Variants in ADGRB3 observed in about 807,000 individuals in gnomAD.
ADGRB3 encodes brain-specific angiogenesis inhibitor 3.
ADGRB3 carries 37 observed loss-of-function variants against 193.4 expected under a neutral mutation model. That is an observed-to-expected ratio of 0.19 (90% confidence interval 0.15 to 0.25). ADGRB3 has a LOEUF of 0.25. Among genes scored for constraint, ADGRB3 ranks in the 10% least tolerant of loss-of-function variants. The pLI is 1.00. For synonymous variants in ADGRB3, 690 were observed against 644.2 expected, an observed-to-expected ratio of 1.07 and a Z score of -1.08; for missense variants, 1,637 against 1,852.9, an observed-to-expected ratio of 0.88 and a Z score of 2.14.
intron 11 of ADGRB3, among the ~76,000 whole-genome samples, chr6:69,008,410 C>T (rs1488528973): frequency 1.3e-5 from 2 of 152,096 alleles, no homozygotes; most frequent in African/African-American, 2.4e-5. Context: ...TTCATTTGCA[C>T]ATCCACTGTT....
chr6:69,334,507 A>G (rs1210719443), intron 24 of ADGRB3, among the ~76,000 whole-genome samples: 3 of 152,158 alleles, frequency 2.0e-5, no homozygotes, highest in African/African-American at 7.2e-5. Flanking sequence ...GGCTTTTTTC[A>G]CTGCAGACAA....
At chr6:68,986,161 C>T (rs780496072) in intron 10 of ADGRB3, among the ~76,000 whole-genome samples, 6 of 152,140 alleles carry the variant, frequency 3.9e-5, no homozygotes, top group Non-Finnish European at 8.8e-5. Flanking sequence ...TCAGGTTTTA[C>T]AGCAAAATAT....
intron 17 of ADGRB3, among the ~76,000 whole-genome samples, chr6:69,206,044 G>GATATATATATAT (rs1561952181): frequency 4.6e-5 from 2 of 43,668 alleles, no homozygotes; most frequent in African/African-American, 1.0e-4. Context: ...ATATAATAAT[G>GATATATATATAT]GTATATATAT....
chr6:69,235,379 T>C (rs1214185938), intron 19 of ADGRB3, among the ~76,000 whole-genome samples: 1 of 152,110 alleles, frequency 6.6e-6, no homozygotes, highest in African/African-American at 2.4e-5. Flanking sequence ...TCATTTCAAA[T>C]GTTAGTAGCC....
intron 16 of ADGRB3, among the ~76,000 whole-genome samples, chr6:69,075,725 T>C (rs979657328): frequency 6.6e-6 from 1 of 152,188 alleles, no homozygotes; most frequent in African/African-American, 2.4e-5. Flanking sequence ...TTATGGTGTA[T>C]GAGAGCCTTG....
At chr6:68,965,434 G>C (rs1396882825) in intron 8 of ADGRB3, among the ~76,000 whole-genome samples, 2 of 135,532 alleles carry the variant, frequency 1.5e-5, no homozygotes, top group East Asian at 3.9e-4. Flanking sequence ...GTGGGTTCTT[G>C]AGTAGTACAT....
At position 68,993,863 on chromosome 6, in the gene ADGRB3, T is replaced by C; in HGVS notation, c.1830T>C (p.Asn610=). The part of the protein sequence containing the change: ...KTLLDLTQRK[N]FYAGDLLMSV... ...TGTTGGATTTAACTCAGAGAAAAAA[T>C]TTCTATGCAGGCGATCTTCTGATGT... The change falls in exon 11 of 32, where the codon AAT becomes AAC. Residue 610 remains asparagine, a synonymous_variant. Coordinates refer to ENST00000370598, the MANE Select transcript of ADGRB3 (RefSeq NM_001704.3). The C allele has an allele frequency of 6.2e-7, 1 of 1,613,856 alleles. No homozygotes were observed. Among genetic ancestry groups the C allele is most frequent in the Non-Finnish European group, 8.5e-7 (1 of 1,179,874 alleles).
intron 23 of ADGRB3, 45 bp from the exon 24 acceptor site, chr6:69,332,878 T>A: frequency 1.2e-6 from 2 of 1,605,872 alleles, no homozygotes; most frequent in Non-Finnish European, 8.5e-7. Flanking sequence ...GGGACCTGAT[T>A]CCCTTCAATA....
intron 3 of ADGRB3, among the ~76,000 whole-genome samples, chr6:68,768,821 C>T (rs917706574): frequency 6.6e-6 from 1 of 150,460 alleles, no homozygotes; most frequent in African/African-American, 2.5e-5. Context: ...CCAGAATCTA[C>T]AAGGAACTTA....
chr6:69,233,073 G>C (rs1414490454), intron 17 of ADGRB3: 2 of 616,964 alleles, frequency 3.2e-6, no homozygotes, highest in East Asian at 3.3e-5. Context: ...ACAGCTCTCT[G>C]CACGCCGCAC....
At chr6:69,135,512 C>CA (rs1288170033) in intron 17 of ADGRB3, among the ~76,000 whole-genome samples, 1 of 151,998 alleles carries the variant, frequency 6.6e-6, no homozygotes, top group African/African-American at 2.4e-5. Context: ...AAAAGCTATA[C>CA]ATGCATTAAT....
intron 3 of ADGRB3, among the ~76,000 whole-genome samples, chr6:68,801,845 A>G (rs1767317980): frequency 2.0e-5 from 3 of 152,196 alleles, no homozygotes; most frequent in Non-Finnish European, 4.4e-5. Flanking sequence ...CACTAGCTTG[A>G]CAAGTATGTA....
At chr6:69,199,778 A>T (rs528885138) in intron 17 of ADGRB3, among the ~76,000 whole-genome samples, 22 of 152,264 alleles carry the variant, frequency 1.4e-4, no homozygotes, top group African/African-American at 5.3e-4. Context: ...ATGGATGAGC[A>T]TTTAGAAATT....
At chr6:69,284,977 G>A (rs72915010) in intron 20 of ADGRB3, among the ~76,000 whole-genome samples, 6,122 of 152,184 alleles carry the variant, frequency 0.04, 166 homozygotes, top group Non-Finnish European at 0.059. Context: ...TAGGAATACA[G>A]CTATTCATCA....
intron 17 of ADGRB3, among the ~76,000 whole-genome samples, chr6:69,229,591 T>TTTCTGTTTATTTC (rs1340185364): frequency 1.3e-5 from 2 of 152,210 alleles, no homozygotes; most frequent in Admixed American, 6.5e-5. Context: ...AACAGTTTTA[T>TTTCTGTTTATTTC]AGAAGACTGA....
intron 13 of ADGRB3, among the ~76,000 whole-genome samples, chr6:69,022,507 C>T (rs1037964238): frequency 1.3e-5 from 2 of 151,786 alleles, no homozygotes; most frequent in African/African-American, 4.8e-5. Context: ...CCTTGCAATC[C>T]TATTTCTCTT....
At chr6:68,768,372 T>G (rs1766552294) in intron 3 of ADGRB3, among the ~76,000 whole-genome samples, 1 of 151,980 alleles carries the variant, frequency 6.6e-6, no homozygotes, top group Admixed American at 6.6e-5. Context: ...AAGAGAGGCC[T>G]CAGAAAAACA....
rs145475129 is a variant in ADGRB3 at position 69,070,844 on chromosome 6, A to G, written c.2437-5151A>G. ...GAATGTATTGAAAATTTAAAACACC[A>G]AGGAAAGTTTAAAGAAACTTGGTCA... On this transcript the variant is annotated intron_variant, in intron 16 of 31. Transcript: ENST00000370598. Among the ~76,000 whole-genome samples, 79 of 152,348 alleles carry G rather than the reference A, an allele frequency of 5.2e-4. 1 individual carries two copies. Among genetic ancestry groups the G allele is most frequent in the Non-Finnish European group, 1.0e-3 (68 of 68,014 alleles).
chr6:69,136,433 CAG>C (rs1294749487), intron 17 of ADGRB3, among the ~76,000 whole-genome samples: 1 of 152,116 alleles, frequency 6.6e-6, no homozygotes, highest in Non-Finnish European at 1.5e-5. Context: ...ATATGTGGAG[CAG>C]CCTGTGCTAA....
Sources: gnomAD v4.1 joint callset for allele counts (sites outside exome capture counted in the v4.1 genomes callset) on GRCh38, gnomAD v4.1.1 for gene constraint, MANE v1.5 for transcripts, NCBI Gene and HGNC (gene_info 2026-07-23, HGNC 2026-07-21) for gene names.